SUMO2: variants seen among roughly 807,000 people sequenced by gnomAD.
SUMO2 encodes the protein small ubiquitin-related modifier 2.
A neutral mutation model predicts 16.0 loss-of-function variants in SUMO2; 1 was observed. The ratio of observed to expected loss-of-function variants is 0.06; its 90% CI spans 0.02 to 0.30. SUMO2 has a LOEUF of 0.30. SUMO2 is among the 10% of genes least tolerant of loss of function. The probability of loss-of-function intolerance (pLI) is 1.00; values close to 1 mark genes in which losing one functional copy is unlikely to be tolerated. For missense variants in SUMO2, 16 were observed against 117.5 expected (o/e 0.14, Z 3.99); for synonymous variants, 36 against 40.6 (o/e 0.89, Z 0.43).
chr17:75,170,866 A>C (rs187146296), intron 3 of SUMO2, among the ~76,000 whole-genome samples: 1,786 of 151,944 alleles, frequency 0.012, 12 homozygotes, highest in Non-Finnish European at 0.017. Context: ...AAAAAAAAAA[A>C]AAACCCAAAT....
At chr17:75,174,422 G>T (rs1240390368) in intron 3 of SUMO2, among the ~76,000 whole-genome samples, 1 of 151,982 alleles carries the variant, frequency 6.6e-6, no homozygotes, top group East Asian at 1.9e-4. Context: ...GGTGGGGTTG[G>T]GCACATTGAT....
intron 3 of SUMO2, among the ~76,000 whole-genome samples, chr17:75,173,086 T>TA (rs538089459): frequency 1.6e-4 from 25 of 152,354 alleles, no homozygotes; most frequent in Admixed American, 1.4e-3. Flanking sequence ...TACTGGGTGA[T>TA]AAAGTTGAAA....
At chr17:75,174,701 G>A in intron 3 of SUMO2, 51 bp downstream of exon 3, 2 of 1,536,006 alleles carry the variant, frequency 1.3e-6, no homozygotes, top group South Asian at 1.2e-5. Flanking sequence ...AAACACAGCT[G>A]TTCAAAGAAT....
intron 2 of SUMO2, among the ~76,000 whole-genome samples, chr17:75,180,323 CAAAAAT>C (rs1049723228): frequency 2.0e-5 from 2 of 99,156 alleles, no homozygotes; most frequent in Non-Finnish European, 4.0e-5. Context: ...AAAACAAAAA[CAAAAAT>C]AAAACACAAT....
At chr17:75,169,824 C>A (rs549334258) in intron 3 of SUMO2, among the ~76,000 whole-genome samples, 1 of 121,326 alleles carries the variant, frequency 8.2e-6, no homozygotes, top group Non-Finnish European at 1.6e-5. Context: ...ACTCCAACAC[C>A]GGTGACAGAG....
intron 2 of SUMO2, among the ~76,000 whole-genome samples, chr17:75,180,455 G>T (rs1480685242): frequency 1.6e-5 from 2 of 128,862 alleles, no homozygotes; most frequent in Non-Finnish European, 3.1e-5. Flanking sequence ...GCTCATGCTT[G>T]TAATCCCAGC....
At chr17:75,170,274 A>G (rs912576272) in intron 3 of SUMO2, among the ~76,000 whole-genome samples, 1 of 152,206 alleles carries the variant, frequency 6.6e-6, no homozygotes, top group Non-Finnish European at 1.5e-5. Flanking sequence ...ACAAATCTCA[A>G]TAAAAACCCA....
At chr17:75,173,582 C>T (rs888801700) in intron 3 of SUMO2, among the ~76,000 whole-genome samples, 2 of 151,926 alleles carry the variant, frequency 1.3e-5, no homozygotes, top group African/African-American at 4.8e-5. Context: ...TCAAGCAATC[C>T]TTCCACCTCA....
At position 75,180,988 on chromosome 17, in the gene SUMO2, T is replaced by G. The variant is rs369736627; in HGVS notation, c.153+69A>C. The stretch of plus-strand genomic sequence containing the variant: ...TCACTGTAATGTGCTAGTCTAGTTT[T>G]TGTTCCCATGAAAATAAGATTTTTA... On this transcript the variant is annotated intron_variant, in intron 2 of 3. Coordinates refer to ENST00000420826, the MANE Select transcript of SUMO2 (RefSeq NM_006937.4). The G allele has an allele frequency of 2.0e-5, 31 of 1,586,046 alleles. No homozygotes were observed. The East Asian group carries it at 6.0e-4, about 31-fold the overall frequency.
rs2074693748 is a variant in SUMO2 at position 75,166,457 on chromosome 17, A to C, written c.*1882T>G. On this transcript the variant is annotated 3_prime_UTR_variant, in exon 4 of 4. Coordinates refer to ENST00000420826, the MANE Select transcript of SUMO2 (RefSeq NM_006937.4). ...GTCATTGGTCTCCAGTTGGGGCAAC[A>C]AGAGCGAAACTCCATCTCAAAAATA... 1.3e-5 allele frequency: 2 copies of C among 150,726 alleles called. No homozygotes were observed. The highest frequency in any genetic ancestry group is 3.3e-3 in the Middle Eastern group (1 of 300). The allele number at this position is 150,726 out of a possible 1,614,324, so 9.3% of individuals were successfully genotyped here.
Position 75,182,797 on chromosome 17 carries a change from G to T in SUMO2, c.21+17C>A. 7.3e-7 allele frequency: 1 copy of T among 1,376,174 alleles called. No homozygotes were observed. Among genetic ancestry groups the T allele is most frequent in the Non-Finnish European group, 9.5e-7 (1 of 1,057,102 alleles). 85.2% of individuals were successfully genotyped at this position (1,376,174 alleles called of 1,614,324 possible). A position where few individuals can be genotyped will look rare whatever the true frequency, so the allele number is the denominator to read the frequency against. ...CCCCACCGCGCGGCGAGGCGAAGGG[G>T]CCGGCGGCGAGCTCACCTTGGGCTT... On this transcript the variant is annotated intron_variant, in intron 1 of 3. Coordinates refer to ENST00000420826, the MANE Select transcript of SUMO2 (RefSeq NM_006937.4).
chr17:75,168,131 T>TAAAA lies in SUMO2; in HGVS notation c.*204_*207dup. ...CAAAACATACCATTGGCTGTTTAGT[T>TAAAA]AAAAAAAAAAAAAATGCAATATGCT... is the stretch of plus-strand genomic sequence containing the variant. On this transcript the variant is annotated 3_prime_UTR_variant, in exon 4 of 4. Transcript: ENST00000420826. The TAAAA allele has an allele frequency of 8.2e-6, 3 of 365,768 alleles. No homozygotes were observed. Among genetic ancestry groups the TAAAA allele is most frequent in the Non-Finnish European group, 9.5e-6 (2 of 209,574 alleles). The allele number at this position is 365,768 out of a possible 1,614,324, so 22.7% of individuals were successfully genotyped here. A position where few individuals can be genotyped will look rare whatever the true frequency, so the allele number is the denominator to read the frequency against.
In SUMO2 at chr17:75,172,488, T is replaced by G. The variant is rs980002931; in HGVS notation, c.225+2264A>C. 2.9e-4 allele frequency among the ~76,000 whole-genome samples: 33 copies of G among 115,102 alleles called. 1 individual carries two copies. Among genetic ancestry groups the G allele is most frequent in the Non-Finnish European group, 4.2e-4 (26 of 62,324 alleles). 75.5% of individuals were successfully genotyped at this position (115,102 alleles called of 152,430 possible). ...GCGTGCACCATCATGCCTGGCTAAA[T>G]TTTTTTTTTTTTTTTTTGAGTTTCG... On this transcript the variant is annotated intron_variant, in intron 3 of 3. Transcript: ENST00000420826.
intron 2 of SUMO2, among the ~76,000 whole-genome samples, chr17:75,179,527 CAAAA>C (rs35348154): frequency 2.1e-5 from 2 of 97,218 alleles, no homozygotes. Context: ...GACTCTGTCT[CAAAA>C]AAAAAAAAAA....
chr17:75,174,617 C>T lies in SUMO2; in HGVS notation c.225+135G>A, dbSNP rs957430789. ...CCTATTCCTATTTTCCTTTCTGTTCCCCTCTGGTCATACTTCCCAAAGCTC... is the reference window on the plus strand; with the variant it reads ...CCTATTCCTATTTTCCTTTCTGTTCTCCTCTGGTCATACTTCCCAAAGCTC... On this transcript the variant is annotated intron_variant, in intron 3 of 3. Coordinates refer to ENST00000420826, the MANE Select transcript of SUMO2 (RefSeq NM_006937.4). 32 of 634,412 alleles carry T rather than the reference C, an allele frequency of 5.0e-5. No homozygotes were observed. In the African/African-American group the frequency reaches 5.4e-4, roughly 11 times the overall value. 39.3% of individuals were successfully genotyped at this position (634,412 alleles called of 1,614,324 possible).
intron 1 of SUMO2, among the ~76,000 whole-genome samples, chr17:75,181,877 T>C (rs2074831716): frequency 6.8e-6 from 1 of 147,288 alleles, no homozygotes; most frequent in South Asian, 2.3e-4. Context: ...TATCCTGATT[T>C]GTTTCTTGTA....
rs983942180 is a variant in SUMO2, at chr17:75,168,229, T to C, written c.*110A>G. The stretch of plus-strand genomic sequence containing the variant: ...GGGGAAATGAAAGAATAGAGAAAAC[T>C]ATACGGTAGTAGTCAGGATGTGGTG... On this transcript the variant is annotated 3_prime_UTR_variant, in exon 4 of 4. Transcript: ENST00000420826. The C allele has an allele frequency of 3.9e-6, 3 of 765,660 alleles. No homozygotes were observed. The highest frequency in any genetic ancestry group is 1.8e-5 in the African/African-American group (1 of 55,316). 47.4% of individuals were successfully genotyped at this position (765,660 alleles called of 1,614,324 possible). A position where few individuals can be genotyped will look rare whatever the true frequency, so the allele number is the denominator to read the frequency against.
At chr17:75,174,660 TA>T in intron 3 of SUMO2, 91 bp downstream of exon 3, 1 of 1,207,610 alleles carries the variant, frequency 8.3e-7, no homozygotes, top group South Asian at 1.4e-5. Context: ...TACAAGAACT[TA>T]TACTCCAGTG....
At chr17:75,169,137 T>A (rs929210276) in intron 3 of SUMO2, among the ~76,000 whole-genome samples, 41 of 148,064 alleles carry the variant, frequency 2.8e-4, no homozygotes, top group African/African-American at 9.8e-4. Context: ...GAAGCCGAGG[T>A]GGGAGGATCA....
Sources: allele counts gnomAD v4.1 joint callset (sites outside exome capture counted in the v4.1 genomes callset), GRCh38; gene constraint gnomAD v4.1.1; transcripts MANE v1.5; gene names NCBI Gene and HGNC (gene_info 2026-07-23, HGNC 2026-07-21).